The following CELF2 variants were observed in gnomAD, a reference collection of about 807,000 sequenced individuals.
CELF2 encodes the protein CUGBP Elav-like family member 2, also known as CUG triplet repeat RNA-binding protein 2.
A neutral mutation model predicts 62.6 loss-of-function variants in CELF2; 8 were observed. The observed-to-expected ratio is 0.13, with a 90% CI of 0.07 to 0.23. The LOEUF is 0.23. CELF2 is among the 10% of genes least tolerant of loss of function. The probability of loss-of-function intolerance (pLI) is 1.00; values close to 1 mark genes in which losing one functional copy is unlikely to be tolerated. For missense variants in CELF2, 333 were observed against 671.0 expected (o/e 0.50, Z 5.56); for synonymous variants, 258 against 250.0 (o/e 1.03, Z -0.30).
At position 11,154,868 on chromosome 10, in the gene CELF2, G is replaced by A. The variant is rs546154582; in HGVS notation, c.75-10618G>A. On this transcript the variant is annotated intron_variant, in intron 1 of 12. Coordinates refer to ENST00000633077, the MANE Select transcript of CELF2 (RefSeq NM_001326342.2). ...TCCACCCATCGCCCTTATTTCTCCC[G>A]GACAAGATGACAAAAACAATCACAG... is the stretch of plus-strand genomic sequence containing the variant. Among the ~76,000 whole-genome samples, 21 of 152,064 alleles carry A rather than the reference G, an allele frequency of 1.4e-4. No homozygotes were observed. In the South Asian group the frequency reaches 1.9e-3, roughly 13 times the overall value.
chr10:10,495,462 C>T, the CELF2 span, among the ~76,000 whole-genome samples: 9 of 152,232 alleles, frequency 5.9e-5, no homozygotes, highest in Non-Finnish European at 1.5e-5. Context: ...TTACTAGGAA[C>T]TAGTGGAGAA....
chr10:11,117,946 A>G lies in CELF2; in HGVS notation c.75-47540A>G, dbSNP rs1295584837. On this transcript the variant is annotated intron_variant, in intron 1 of 12. Transcript: ENST00000633077. The surrounding 1 kb of genome is among the most constrained non-coding windows in gnomAD (Gnocchi z 4.1). ...AATGCTTTGAATGCATTCTGCCTCA[A>G]AAGGCATTTTGCTCTAATGGCTGTG... is the stretch of plus-strand genomic sequence containing the variant. Among the ~76,000 whole-genome samples, 1 of 152,136 alleles carries G rather than the reference A, an allele frequency of 6.6e-6. No homozygotes were observed. Among genetic ancestry groups the G allele is most frequent in the Non-Finnish European group, 1.5e-5 (1 of 68,012 alleles).
chr10:11,137,064 G>A (rs1173180718), intron 1 of CELF2, among the ~76,000 whole-genome samples: 2 of 152,136 alleles, frequency 1.3e-5, no homozygotes, highest in African/African-American at 4.8e-5. Flanking sequence ...TGGCATATAT[G>A]TAAGATTATA....
the CELF2 span, among the ~76,000 whole-genome samples, chr10:10,748,147 G>A: frequency 6.6e-6 from 1 of 152,004 alleles, no homozygotes; most frequent in African/African-American, 2.4e-5. Context: ...GAAGAAATAA[G>A]TTCCAATGTT....
At chr10:10,794,164 A>T (rs763829735), upstream of CELF2, among the ~76,000 whole-genome samples, 7 of 152,166 alleles carry the variant, frequency 4.6e-5, no homozygotes, top group Non-Finnish European at 1.0e-4. Context: ...TCCTATTTCC[A>T]GGGTCCAGAG....
At chr10:10,791,611 A>G in the CELF2 span, among the ~76,000 whole-genome samples, 2 of 152,100 alleles carry the variant, frequency 1.3e-5, no homozygotes, top group Non-Finnish European at 2.9e-5. Flanking sequence ...GTTTCTATTC[A>G]TCTTAGATTA....
upstream of CELF2, among the ~76,000 whole-genome samples, chr10:11,013,830 C>T (rs1034936337): frequency 3.9e-5 from 6 of 152,248 alleles, no homozygotes; most frequent in Admixed American, 3.3e-4. This position sits in a 1 kb window ranked among gnomAD's most constrained non-coding sequence, Gnocchi z 4.1. Context: ...GATGTCATTA[C>T]GGAACCAAGA....
the CELF2 span, among the ~76,000 whole-genome samples, chr10:10,562,104 A>G: frequency 2.6e-5 from 4 of 152,188 alleles, no homozygotes; most frequent in African/African-American, 9.6e-5. Flanking sequence ...TTCCCTTGAG[A>G]ACTTCCCCCA....
the CELF2 span, among the ~76,000 whole-genome samples, chr10:10,620,501 A>G: frequency 1.3e-5 from 2 of 151,526 alleles, no homozygotes; most frequent in Non-Finnish European, 2.9e-5. Flanking sequence ...CAGAAACCAT[A>G]TGGCCCACGA....
the CELF2 span, among the ~76,000 whole-genome samples, chr10:10,479,039 G>C: frequency 6.6e-6 from 1 of 152,096 alleles, no homozygotes; most frequent in African/African-American, 2.4e-5. Context: ...TGTCTGCTCT[G>C]ATTTTTTTAC....
the CELF2 span, among the ~76,000 whole-genome samples, chr10:10,654,833 A>G: frequency 6.7e-6 from 1 of 150,128 alleles, no homozygotes; most frequent in Non-Finnish European, 1.5e-5. Flanking sequence ...CTCTCTCACC[A>G]CTCCTATTCA....
At chr10:11,135,929 G>A (rs1048445944) in intron 1 of CELF2, among the ~76,000 whole-genome samples, 1 of 152,210 alleles carries the variant, frequency 6.6e-6, no homozygotes, top group Non-Finnish European at 1.5e-5. Flanking sequence ...TGGAGCCTAG[G>A]ATTGGCAGTT....
At chr10:10,874,289 G>A (rs1207035843) in intron 1 of CELF2, among the ~76,000 whole-genome samples, 1 of 152,188 alleles carries the variant, frequency 6.6e-6, no homozygotes, top group African/African-American at 2.4e-5. Context: ...CTGCACTCCA[G>A]CCTGAGTGAC....
intron 2 of CELF2, among the ~76,000 whole-genome samples, chr10:11,216,680 A>G (rs1235777929): frequency 6.6e-6 from 1 of 152,192 alleles, no homozygotes; most frequent in Non-Finnish European, 1.5e-5. Flanking sequence ...TGGAAAAAGG[A>G]TATATGCTGG....
the CELF2 span, among the ~76,000 whole-genome samples, chr10:10,670,320 G>A: frequency 6.6e-6 from 1 of 152,232 alleles, no homozygotes; most frequent in Admixed American, 6.5e-5. Context: ...TGATTGTCCA[G>A]CCTAGCTGCA....
chr10:10,939,385 G>A (rs532026562), intron 2 of CELF2, among the ~76,000 whole-genome samples: 9 of 152,060 alleles, frequency 5.9e-5, no homozygotes, highest in East Asian at 2.0e-4. Flanking sequence ...TCCTGGGTTC[G>A]AGCGATTCTC....
the CELF2 span, among the ~76,000 whole-genome samples, chr10:10,734,103 A>G: frequency 6.6e-6 from 1 of 151,524 alleles, no homozygotes; most frequent in Non-Finnish European, 1.5e-5. Flanking sequence ...TTTTTTTTTT[A>G]GCTGCATAGT....
chr10:11,097,210 CTGGTA>C (rs2050143899), intron 1 of CELF2: 1 of 152,094 alleles, frequency 6.6e-6, no homozygotes, highest in African/African-American at 2.4e-5. Context: ...ATTTGTTTTC[CTGGTA>C]TGTTTGTAGT....
chr10:11,185,280 T>C (rs997445321), intron 2 of CELF2, among the ~76,000 whole-genome samples: 5 of 152,132 alleles, frequency 3.3e-5, no homozygotes, highest in Non-Finnish European at 7.4e-5. Context: ...GCTCAAGTGA[T>C]CCTCTTGTCT....
Sources: allele counts gnomAD v4.1 joint callset (sites outside exome capture counted in the v4.1 genomes callset), GRCh38; gene constraint gnomAD v4.1.1; non-coding constraint Gnocchi (gnomAD v3.1); transcripts MANE v1.5; gene names NCBI Gene and HGNC (gene_info 2026-07-23, HGNC 2026-07-21).